TNKS: variants seen among roughly 807,000 people sequenced by gnomAD.
TNKS encodes the protein poly [ADP-ribose] polymerase tankyrase-1.
In TNKS, 72 loss-of-function variants were observed where a neutral mutation model predicts 135.8. The ratio of observed to expected loss-of-function variants is 0.53; its 90% CI spans 0.44 to 0.64. TNKS has a LOEUF of 0.64. TNKS is among the 30% of genes least tolerant of loss of function. The pLI is 0.00. For synonymous variants in TNKS, 849 were observed against 649.3 expected (o/e 1.31, Z -4.68); for missense variants, 1,769 against 1,674.0 (o/e 1.06, Z -0.99).
intron 3 of TNKS, among the ~76,000 whole-genome samples, chr8:9,652,397 G>A (rs551515750): frequency 6.6e-6 from 1 of 152,214 alleles, no homozygotes; most frequent in African/African-American, 2.4e-5. Flanking sequence ...AATTATTTAA[G>A]GCCCTGTCTT....
At chr8:9,627,551 G>GCTTGCTTGCTTC (rs1800109569) in intron 3 of TNKS, among the ~76,000 whole-genome samples, 1 of 120,580 alleles carries the variant, frequency 8.3e-6, no homozygotes, top group Non-Finnish European at 1.7e-5. Flanking sequence ...TTGCTTGCTT[G>GCTTGCTTGCTTC]CTTGCTTGCT....
intron 2 of TNKS, among the ~76,000 whole-genome samples, chr8:9,596,356 G>C (rs1798787317): frequency 6.7e-6 from 1 of 148,546 alleles, no homozygotes; most frequent in Non-Finnish European, 1.5e-5. Context: ...TTGAGATAAA[G>C]ATGTAGGGAG....
chr8:9,602,678 A>C (rs927072682), intron 2 of TNKS, among the ~76,000 whole-genome samples: 1 of 152,218 alleles, frequency 6.6e-6, no homozygotes, highest in Non-Finnish European at 1.5e-5. Context: ...TTAGAGTAGC[A>C]CTGTTCATTA....
chr8:9,581,109 G>A (rs1051580209), intron 2 of TNKS, among the ~76,000 whole-genome samples: 10 of 152,006 alleles, frequency 6.6e-5, no homozygotes, highest in South Asian at 2.1e-4. Flanking sequence ...GTTGATTTAC[G>A]TAATTGTCTT....
At position 9,670,494 on chromosome 8, in the gene TNKS, TTTC is replaced by T. The variant is rs1802226122; in HGVS notation, c.995-9451_995-9449del. On this transcript the variant is annotated intron_variant, in intron 3 of 26. Coordinates refer to ENST00000310430, the MANE Select transcript of TNKS (RefSeq NM_003747.3). ...CCCTAATGTCAGCTTTATTGTGTAGTTTCTTCTTATTTTAAATACCTAGTAAAA... is the reference window on the plus strand; with the variant it reads ...CCCTAATGTCAGCTTTATTGTGTAGTTTCTTATTTTAAATACCTAGTAAAA... Among the ~76,000 whole-genome samples the T allele has an allele frequency of 2.0e-5, 3 of 152,240 alleles. No homozygotes were observed. The South Asian group carries it at 6.2e-4, about 32-fold the overall frequency.
rs1808313915 is a variant in TNKS at position 9,778,240 on chromosome 8, C to G, written c.*1504C>G. On this transcript the variant is annotated 3_prime_UTR_variant, in exon 27 of 27. Transcript: ENST00000310430. ...TAACTTATTTACTTGATATACTGTG[C>G]ATCTACTCTGCTTTGAAGCGAAAGA... The G allele has an allele frequency of 6.6e-6, 1 of 152,452 alleles. No individual in the cohort carries two copies. Among genetic ancestry groups the G allele is most frequent in the South Asian group, 2.1e-4 (1 of 4,826 alleles). The allele number at this position is 152,452 out of a possible 1,614,324, so 9.4% of individuals were successfully genotyped here.
At chr8:9,643,833 C>T (rs1333996603) in intron 3 of TNKS, among the ~76,000 whole-genome samples, 1 of 152,164 alleles carries the variant, frequency 6.6e-6, no homozygotes, top group Non-Finnish European at 1.5e-5. Context: ...ATGTTGATAG[C>T]AGCAGCATTT....
intron 11 of TNKS, among the ~76,000 whole-genome samples, chr8:9,719,327 A>G (rs1355380154): frequency 6.6e-6 from 1 of 152,152 alleles, no homozygotes; most frequent in Non-Finnish European, 1.5e-5. Flanking sequence ...GTGTACACAA[A>G]TATTTTCAAT....
chr8:9,754,154 T>C (rs1427731795), intron 20 of TNKS, among the ~76,000 whole-genome samples: 1 of 152,208 alleles, frequency 6.6e-6, no homozygotes, highest in African/African-American at 2.4e-5. Context: ...GACACTTTTC[T>C]TCCAAGGAAG....
chr8:9,622,547 G>T (rs1799905190), intron 3 of TNKS, among the ~76,000 whole-genome samples: 1 of 152,146 alleles, frequency 6.6e-6, no homozygotes, highest in African/African-American at 2.4e-5. Flanking sequence ...CAAGCAGTTT[G>T]GCTCCAGGAT....
intron 3 of TNKS, among the ~76,000 whole-genome samples, chr8:9,642,734 A>T (rs11249932): frequency 0.68 from 98,068 of 144,242 alleles, 37,003 homozygotes; most frequent in Middle Eastern, 0.76. Flanking sequence ...AAAGTGAGTA[A>T]TTGGACGTTT....
chr8:9,711,099 G>A (rs1011001227), intron 11 of TNKS, among the ~76,000 whole-genome samples: 2 of 152,088 alleles, frequency 1.3e-5, no homozygotes, highest in Non-Finnish European at 2.9e-5. Context: ...TCTCAAGAAT[G>A]TATATTTCAA....
chr8:9,762,119 T>A (rs1032774668), intron 21 of TNKS, among the ~76,000 whole-genome samples: 1 of 152,216 alleles, frequency 6.6e-6, no homozygotes, highest in Non-Finnish European at 1.5e-5. Flanking sequence ...TTTTTTACAA[T>A]CTAACCTTTC....
intron 6 of TNKS, 149 bp from the exon 7 acceptor site, chr8:9,706,038 A>G (rs1352059653): frequency 1.2e-5 from 5 of 429,614 alleles, no homozygotes; most frequent in Non-Finnish European, 2.0e-5. Flanking sequence ...AACATAAGCT[A>G]TGCTTTGAAT....
chr8:9,744,985 T>C (rs2128824512), intron 17 of TNKS, among the ~76,000 whole-genome samples: 1 of 152,356 alleles, frequency 6.6e-6, no homozygotes, highest in Non-Finnish European at 1.5e-5. Flanking sequence ...CTTTTTGTAA[T>C]TTTGGAAGCC....
chr8:9,664,801 C>T (rs1179422855), intron 3 of TNKS, among the ~76,000 whole-genome samples: 1 of 152,156 alleles, frequency 6.6e-6, no homozygotes, highest in Non-Finnish European at 1.5e-5. Context: ...GTCACACGTT[C>T]ATGACTCTAG....
At chr8:9,760,841 G>A (rs951531121) in intron 20 of TNKS, among the ~76,000 whole-genome samples, 1 of 152,174 alleles carries the variant, frequency 6.6e-6, no homozygotes, top group African/African-American at 2.4e-5. Context: ...TATAAAAACA[G>A]AATGTATTTT....
At chr8:9,648,421 A>G (rs1801001458) in intron 3 of TNKS, among the ~76,000 whole-genome samples, 1 of 152,076 alleles carries the variant, frequency 6.6e-6, no homozygotes, top group Non-Finnish European at 1.5e-5. Context: ...TTTTTTTGTT[A>G]AACATTAAGA....
chr8:9,654,572 T>C (rs1267288505), intron 3 of TNKS, among the ~76,000 whole-genome samples: 1 of 152,242 alleles, frequency 6.6e-6, no homozygotes, highest in East Asian at 1.9e-4. Context: ...TTACTTTAGA[T>C]GTTCATCATA....
Sources: gnomAD v4.1 joint callset for allele counts (sites outside exome capture counted in the v4.1 genomes callset) on GRCh38, gnomAD v4.1.1 for gene constraint, MANE v1.5 for transcripts, NCBI Gene and HGNC (gene_info 2026-07-23, HGNC 2026-07-21) for gene names.